NOL4: variants seen among roughly 807,000 people sequenced by gnomAD.
NOL4 encodes the protein nucleolar protein 4, also known as cancer/testis antigen 125.
Under a neutral mutation model 75.9 loss-of-function variants are expected in NOL4, and 17 were observed. The ratio of observed to expected loss-of-function variants is 0.22; its 90% CI spans 0.15 to 0.34. The LOEUF (loss-of-function observed/expected upper bound fraction) is 0.34, where lower values mean the gene tolerates loss of function less well. NOL4 is among the 10% of genes least tolerant of loss of function. The probability of loss-of-function intolerance (pLI) is 1.00; values close to 1 mark genes in which losing one functional copy is unlikely to be tolerated. For missense variants in NOL4, 614 were observed against 793.5 expected, an observed-to-expected ratio of 0.77 and a Z score of 2.72; for synonymous variants, 292 against 289.9, an observed-to-expected ratio of 1.01 and a Z score of -0.07.
intron 9 of NOL4, among the ~76,000 whole-genome samples, chr18:33,922,919 T>C (rs2067123194): frequency 6.6e-6 from 1 of 152,180 alleles, no homozygotes; most frequent in South Asian, 2.1e-4. Context: ...CAGTGCAATT[T>C]ATCATATATA....
At chr18:33,893,077 G>A (rs1041138583) in intron 9 of NOL4, among the ~76,000 whole-genome samples, 1 of 152,006 alleles carries the variant, frequency 6.6e-6, no homozygotes, top group Non-Finnish European at 1.5e-5. Context: ...ATAATGCACG[G>A]AGTTGTTTTG....
intron 9 of NOL4, among the ~76,000 whole-genome samples, chr18:33,904,810 C>T (rs1261410412): frequency 6.6e-6 from 1 of 152,054 alleles, no homozygotes; most frequent in Non-Finnish European, 1.5e-5. Flanking sequence ...ATGCAGGGGC[C>T]ACAGATTCTG....
Position 33,958,329 on chromosome 18 carries a change from A to T in NOL4, c.1146T>A (p.Asp382Glu). ...GGTCCTCGTGGTCATCTTCGTCCTC[A>T]TCTCCCCTGTTTAGTGAGAGGTCCT... ...GAEDLSLNRG[D>E]EDEDDHEDHD... The change falls in exon 7 of 11, where the codon GAT becomes GAA. Residue 382 changes from aspartate to glutamate, a missense_variant. Asp to Glu is a conservative substitution (Grantham distance 45). Coordinates refer to ENST00000261592, the MANE Select transcript of NOL4 (RefSeq NM_003787.5). The T allele has an allele frequency of 6.2e-7, 1 of 1,613,732 alleles. No homozygotes were observed. Among genetic ancestry groups the T allele is most frequent in the Non-Finnish European group, 8.5e-7 (1 of 1,179,782 alleles).
At chr18:34,004,558 G>A (rs2073924863) in intron 6 of NOL4, among the ~76,000 whole-genome samples, 1 of 151,764 alleles carries the variant, frequency 6.6e-6, no homozygotes, top group Admixed American at 6.6e-5. Context: ...TTTACTCAGG[G>A]CTTAGCATAT....
intron 10 of NOL4, among the ~76,000 whole-genome samples, chr18:33,872,127 G>T (rs2063729662): frequency 1.3e-5 from 2 of 151,924 alleles, no homozygotes; most frequent in South Asian, 4.1e-4. Flanking sequence ...CATACTATTT[G>T]TGGGAAATCT....
intron 1 of NOL4, among the ~76,000 whole-genome samples, chr18:34,164,869 A>C (rs2146209261): frequency 6.6e-6 from 1 of 152,076 alleles, no homozygotes; most frequent in East Asian, 1.9e-4. Context: ...AGAGTGGATT[A>C]AGAAAATGTG....
intron 6 of NOL4, among the ~76,000 whole-genome samples, chr18:34,008,605 T>C (rs1239516791): frequency 1.3e-5 from 2 of 152,012 alleles, no homozygotes; most frequent in Admixed American, 6.6e-5. Context: ...CACATTGTGA[T>C]TTGAGAATCG....
At chr18:34,207,913 C>A (rs1215330796) in intron 1 of NOL4, among the ~76,000 whole-genome samples, 1 of 152,190 alleles carries the variant, frequency 6.6e-6, no homozygotes, top group Admixed American at 6.5e-5. Flanking sequence ...ATCAGCAGTG[C>A]AGCTCCATGA....
chr18:33,871,059 C>A (rs1329584612), intron 10 of NOL4, among the ~76,000 whole-genome samples: 2 of 151,970 alleles, frequency 1.3e-5, no homozygotes, highest in Non-Finnish European at 2.9e-5. Context: ...CTAGTTCTAG[C>A]AATTGTTCGT....
At chr18:34,182,364 G>A (rs1366208174) in intron 1 of NOL4, among the ~76,000 whole-genome samples, 1 of 151,586 alleles carries the variant, frequency 6.6e-6, no homozygotes, top group Non-Finnish European at 1.5e-5. Flanking sequence ...ATCCCATTAA[G>A]ATAGAAAGTT....
intron 1 of NOL4, among the ~76,000 whole-genome samples, chr18:34,154,105 T>C (rs2029888723): frequency 6.6e-6 from 1 of 152,040 alleles, no homozygotes; most frequent in African/African-American, 2.4e-5. Context: ...AAAATTCATT[T>C]ACTAGTCAAA....
chr18:33,936,071 A>G (rs2068036633), intron 9 of NOL4, among the ~76,000 whole-genome samples: 1 of 152,156 alleles, frequency 6.6e-6, no homozygotes, highest in South Asian at 2.1e-4. Context: ...ATGTTATAAA[A>G]AGGACACAAA....
intron 6 of NOL4, among the ~76,000 whole-genome samples, chr18:33,965,556 T>C (rs780129837): frequency 3.3e-5 from 5 of 152,164 alleles, no homozygotes; most frequent in Admixed American, 6.6e-5. Context: ...TCTGCATGTA[T>C]CATGGGAGAG....
intron 1 of NOL4, among the ~76,000 whole-genome samples, chr18:34,168,211 T>G (rs1168905926): frequency 4.0e-5 from 6 of 151,802 alleles, no homozygotes; most frequent in African/African-American, 1.4e-4. Flanking sequence ...AGATAAAAAT[T>G]TTAAGACTGT....
intron 5 of NOL4, among the ~76,000 whole-genome samples, chr18:34,048,180 C>T (rs895846966): frequency 1.3e-5 from 2 of 152,102 alleles, no homozygotes; most frequent in East Asian, 3.9e-4. Context: ...AAATTAAATG[C>T]CAAAAGCATA....
intron 10 of NOL4, among the ~76,000 whole-genome samples, chr18:33,871,217 AG>A (rs1170414106): frequency 1.3e-5 from 2 of 152,082 alleles, no homozygotes; most frequent in African/African-American, 4.8e-5. Flanking sequence ...GTTTATGAAG[AG>A]GGAAAAACGA....
Position 34,053,428 on chromosome 18 carries a change from T to C in NOL4, c.773-33827A>G, listed in dbSNP as rs1017645455. 3.3e-5 allele frequency among the ~76,000 whole-genome samples: 5 copies of C among 152,004 alleles called. No individual in the cohort carries two copies. The South Asian group carries it at 1.0e-3, about 32-fold the overall frequency. ...GATCTCAGCTGGGACAACCAGTAGG[T>C]TAGACCCTATGAGTGGAAGGAAACA... On this transcript the variant is annotated intron_variant, in intron 5 of 10. Transcript: ENST00000261592.
intron 6 of NOL4, among the ~76,000 whole-genome samples, chr18:33,985,354 G>C (rs1296404233): frequency 6.6e-6 from 1 of 152,176 alleles, no homozygotes; most frequent in Non-Finnish European, 1.5e-5. Flanking sequence ...ATAAAACCTT[G>C]ATAGGCACAT....
intron 5 of NOL4, among the ~76,000 whole-genome samples, chr18:34,039,236 C>A (rs1375410762): frequency 6.6e-6 from 1 of 151,828 alleles, no homozygotes; most frequent in Non-Finnish European, 1.5e-5. Flanking sequence ...GGAAAAAAGA[C>A]AGGTTTATTA....
Sources: allele counts gnomAD v4.1 joint callset (sites outside exome capture counted in the v4.1 genomes callset), GRCh38; gene constraint gnomAD v4.1.1; transcripts MANE v1.5; gene names NCBI Gene and HGNC (gene_info 2026-07-23, HGNC 2026-07-21).